The following KRT37 variants were observed in gnomAD, a reference collection of about 807,000 sequenced individuals.
KRT37 encodes keratin 37.
Under a neutral mutation model 41.9 loss-of-function variants are expected in KRT37, and 38 were observed. The observed-to-expected ratio is 0.91, with a 90% CI of 0.70 to 1.19. The LOEUF (loss-of-function observed/expected upper bound fraction) is 1.19, where lower values mean the gene tolerates loss of function less well. Ranked by LOEUF, KRT37 falls within the 50% of genes most tolerant of loss-of-function variation. The pLI is 0.00. For synonymous variants in KRT37, 252 were observed against 243.4 expected, an observed-to-expected ratio of 1.04 and a Z score of -0.33; for missense variants, 580 against 575.5, an observed-to-expected ratio of 1.01 and a Z score of -0.08.
rs1229877545 is a variant in KRT37 at position 41,422,885 on chromosome 17, C to T, written c.625G>A (p.Gly209Arg). The change falls in exon 3 of 7, where the codon GGG becomes AGG. Residue 209 changes from glycine to arginine, a missense_variant. By Grantham distance (125) the Gly-to-Arg change is moderately radical. Transcript: ENST00000225550. ...LHQLVEADKC[G>R]TQKLLDDATL... Reference sequence around the variant, plus strand: ...GCGTCATCCAGGAGCTTCTGCGTCCCGCACTTGTCCGCCTCCACCAGCTGG... The same window carrying T: ...GCGTCATCCAGGAGCTTCTGCGTCCTGCACTTGTCCGCCTCCACCAGCTGG... 1.4e-5 allele frequency: 22 copies of T among 1,614,056 alleles called. No homozygotes were observed. The East Asian group carries it at 3.3e-4, about 25-fold the overall frequency.
chr17:41,422,032 G>A (rs377717793), intron 5 of KRT37, 37 bp downstream of exon 5: 2 of 1,613,910 alleles, frequency 1.2e-6, no homozygotes, highest in South Asian at 2.2e-5. Context: ...ACATGGCATG[G>A]GGCATTTGCA....
intron 3 of KRT37, 21 bp from the exon 4 acceptor site, chr17:41,422,455 G>C (rs1317466851): frequency 6.2e-7 from 1 of 1,613,030 alleles, no homozygotes; most frequent in Non-Finnish European, 8.5e-7. Flanking sequence ...GGAAGCGATA[G>C]ACAGCCTGCG....
At position 41,424,173 on chromosome 17, in the gene KRT37, G is replaced by T; in HGVS notation, c.351C>A (p.Asn117Lys). ...TMKFLNDRLA[N>K]YLEKVRQLEQ... ...CCAGCTGGCGCACCTTCTCCAGGTAGTTGGCCAGGCGGTCATTCAGGAACT... is the reference window on the plus strand; with the variant it reads ...CCAGCTGGCGCACCTTCTCCAGGTATTTGGCCAGGCGGTCATTCAGGAACT... The change falls in exon 1 of 7, where the codon AAC becomes AAA. Residue 117 changes from asparagine (N) to lysine (K), a missense_variant. By Grantham distance (94) the Asn-to-Lys change is moderately conservative (BLOSUM62 0). Coordinates refer to ENST00000225550, the MANE Select transcript of KRT37 (RefSeq NM_003770.5). The T allele has an allele frequency of 1.2e-6, 2 of 1,614,268 alleles. No homozygotes were observed. Among genetic ancestry groups the T allele is most frequent in the Non-Finnish European group, 1.7e-6 (2 of 1,180,054 alleles).
rs73983422 is a variant in KRT37 at position 41,424,532 on chromosome 17, G to T, written c.-9C>A. 1.3e-6 allele frequency: 2 copies of T among 1,555,806 alleles called. No individual in the cohort carries two copies. The highest frequency in any genetic ancestry group is 1.7e-6 in the Non-Finnish European group (2 of 1,147,888). ...CTGTAGAAGGAGGTCATGGTGTAGG[G>T]CTGAGGCTGCACAGGAGCTTCAGAT... On this transcript the variant is annotated 5_prime_UTR_variant, in exon 1 of 7. Coordinates refer to ENST00000225550, the MANE Select transcript of KRT37 (RefSeq NM_003770.5).
rs1478374295 is a variant in KRT37, at chr17:41,424,098, G to T, written c.426C>A (p.Cys142Ter). 1.2e-6 allele frequency: 2 copies of T among 1,614,104 alleles called. No homozygotes were observed. Among genetic ancestry groups the T allele is most frequent in the African/African-American group, 2.7e-5 (2 of 74,932 alleles). Residue 142 changes from cysteine to a stop codon, truncating the protein, a stop_gained, in exon 1 of 7, where the codon TGC becomes TGA. Transcript: ENST00000225550. LOFTEE classifies it high-confidence loss of function. ...LETTLLERSK[C>*]HESTVCPDYQ... ...AGTCGGGGCACACGGTGGACTCGTG[G>T]CACTTGCTCCTCTCGAGGAGTGTGG...
At position 41,421,580 on chromosome 17, in the gene KRT37, C is replaced by T. The variant is rs1200818654; in HGVS notation, c.1028G>A (p.Cys343Tyr). 1.9e-6 allele frequency: 3 copies of T among 1,614,106 alleles called. No individual in the cohort carries two copies. In the East Asian group the frequency reaches 6.7e-5, roughly 36 times the overall value. The change falls in exon 6 of 7, where the codon TGT becomes TAT. Residue 343 changes from cysteine to tyrosine, a missense_variant. By Grantham distance (194) the Cys-to-Tyr change is radical. Transcript: ENST00000225550. ...ERQAQHTLKD[C>Y]LQNSLCEAED... ...CGCTTCACACAGGGAGTTCTGCAGACAGTCCTTCTGTAATGGGAAATAATG... is the reference window on the plus strand; with the variant it reads ...CGCTTCACACAGGGAGTTCTGCAGATAGTCCTTCTGTAATGGGAAATAATG...
rs147477673 is a variant in KRT37, at chr17:41,422,159, G to A, written c.930C>T (p.Ser310=). ...EGISLQAMSC[S]EELQCCQSEI... is the part of the protein sequence containing the mutation. ...CCGACTGGCAGCACTGCAGCTCCTC[G>A]GAGCAGGACATGGCCTGCAGGCTGA... Residue 310 remains serine, a synonymous_variant, in exon 5 of 7, where the codon TCC becomes TCT. Coordinates refer to ENST00000225550, the MANE Select transcript of KRT37 (RefSeq NM_003770.5). 5.6e-6 allele frequency: 9 copies of A among 1,614,086 alleles called. No homozygotes were observed. The highest frequency in any genetic ancestry group is 3.3e-4 in the Middle Eastern group (2 of 6,062).
At chr17:41,421,945 G>A (rs769209117) in intron 5 of KRT37, 124 bp downstream of exon 5, 90 of 1,509,698 alleles carry the variant, frequency 6.0e-5, no homozygotes, top group Non-Finnish European at 7.5e-5. Context: ...CGTCTCCATC[G>A]GGTATAGAGG....
At chr17:41,421,316 A>C (rs1165439289) in intron 6 of KRT37, 51 bp downstream of exon 6, 1 of 1,581,184 alleles carries the variant, frequency 6.3e-7, no homozygotes, top group Non-Finnish European at 8.7e-7. Context: ...CCTCTGAGGA[A>C]TTGCCTGACA....
chr17:41,422,564 T>A, intron 3 of KRT37, 130 bp from the exon 4 acceptor site: 1 of 1,386,342 alleles, frequency 7.2e-7, no homozygotes, highest in Non-Finnish European at 9.9e-7. Flanking sequence ...GAAAGTCTTG[T>A]CCAGAGTGCA....
At position 41,424,070 on chromosome 17, in the gene KRT37, G is replaced by C; in HGVS notation, c.454C>G (p.Gln152Glu). ...CHESTVCPDYQSYFRTIEELQ... is the reference protein window; with the variant it reads ...CHESTVCPDYESYFRTIEELQ... ...TCCTCGATTGTACGGAAGTAGGACT[G>C]GTAGTCGGGGCACACGGTGGACTCG... The change falls in exon 1 of 7, where the codon CAG becomes GAG. Residue 152 changes from glutamine to glutamate, a missense_variant. Physicochemically the swap from Gln to Glu is conservative, Grantham distance 29. Transcript: ENST00000225550. The C allele has an allele frequency of 6.2e-7, 1 of 1,614,210 alleles. No individual in the cohort carries two copies. Among genetic ancestry groups the C allele is most frequent in the Non-Finnish European group, 8.5e-7 (1 of 1,180,038 alleles).
At chr17:41,422,648 C>T (rs549169720) in intron 3 of KRT37, 130 bp downstream of exon 3, 14 of 1,272,888 alleles carry the variant, frequency 1.1e-5, no homozygotes, top group African/African-American at 5.9e-5. Flanking sequence ...CCCTCTGGAC[C>T]CTCAGACCCA....
chr17:41,423,605 A>T (rs1403335380), intron 2 of KRT37, 157 bp downstream of exon 2: 1 of 640,330 alleles, frequency 1.6e-6, no homozygotes, highest in East Asian at 2.7e-5. Flanking sequence ...CTATATAATG[A>T]CCATTTCTAG....
Position 41,422,846 on chromosome 17 carries a change from C to A in KRT37, c.664G>T (p.Ala222Ser). 1 of 1,614,088 alleles carries A rather than the reference C, an allele frequency of 6.2e-7. No individual in the cohort carries two copies. Among genetic ancestry groups the A allele is most frequent in the Non-Finnish European group, 8.5e-7 (1 of 1,180,006 alleles). ...GACTCCTGCTGGGCCTCCAGGTCGG[C>A]CTTGGCCAGGGTCGCGTCATCCAGG... is the stretch of plus-strand genomic sequence containing the variant. ...KLLDDATLAK[A>S]DLEAQQESLK... The change falls in exon 3 of 7, where the codon GCC becomes TCC. Residue 222 changes from alanine (A) to serine (S), a missense_variant. By Grantham distance (99) the Ala-to-Ser change is moderately conservative (BLOSUM62 1). Coordinates refer to ENST00000225550, the MANE Select transcript of KRT37 (RefSeq NM_003770.5).
In KRT37 at chr17:41,424,214, C is replaced by T. The variant is rs535890482; in HGVS notation, c.310G>A (p.Glu104Lys). Reference protein sequence around the residue: ...AYGKNTLNGHEKETMKFLNDR... With the variant: ...AYGKNTLNGHKKETMKFLNDR... ...TTCAGGAACTTCATGGTCTCCTTCT[C>T]ATGGCCATTCAGGGTGTTTTTGCCG... is the stretch of plus-strand genomic sequence containing the variant. The change falls in exon 1 of 7, where the codon GAG becomes AAG. Residue 104 changes from glutamate (E) to lysine (K), a missense_variant. Coordinates refer to ENST00000225550, the MANE Select transcript of KRT37 (RefSeq NM_003770.5). 2.5e-6 allele frequency: 4 copies of T among 1,614,248 alleles called. No homozygotes were observed. The South Asian group carries it at 4.4e-5, about 18-fold the overall frequency.
At chr17:41,423,419 A>G (rs1037504884) in intron 2 of KRT37, 3 of 273,470 alleles carry the variant, frequency 1.1e-5, no homozygotes, top group Non-Finnish European at 2.0e-5. Context: ...GCCAAGAGTC[A>G]GAGAGTCTAG....
chr17:41,424,339 A>G lies in KRT37; in HGVS notation c.185T>C (p.Leu62Pro). 6.2e-7 allele frequency: 1 copy of G among 1,614,084 alleles called. No homozygotes were observed. The highest frequency in any genetic ancestry group is 8.5e-7 in the Non-Finnish European group (1 of 1,180,002). ...GGGCAGACAGAGGCTGGGGCGGCCC[A>G]GGGGAGTCGACCCCACACGGACTCT... ...ANRVRVGSTP[L>P]GRPSLCLPPT... The change falls in exon 1 of 7, where the codon CTG (leucine) becomes CCG (proline). Residue 62 changes from leucine to proline, a missense_variant. Transcript: ENST00000225550.
chr17:41,424,026 C>T lies in KRT37; in HGVS notation c.492+6G>A. ...CCCAGCATGCCCAGGCGATCCCACA[C>T]CTCACCTTCTGCTGGAGCTCCTCGA... On this transcript the variant is annotated splice_donor_region_variant and intron_variant, in intron 1 of 6. Coordinates refer to ENST00000225550, the MANE Select transcript of KRT37 (RefSeq NM_003770.5). 1 of 1,611,448 alleles carries T rather than the reference C, an allele frequency of 6.2e-7. No homozygotes were observed. Among genetic ancestry groups the T allele is most frequent in the South Asian group, 1.1e-5 (1 of 90,992 alleles).
chr17:41,422,062 C>G lies in KRT37; in HGVS notation c.1020+7G>C. 1 of 1,614,204 alleles carries G rather than the reference C, an allele frequency of 6.2e-7. No individual in the cohort carries two copies. Among genetic ancestry groups the G allele is most frequent in the Non-Finnish European group, 8.5e-7 (1 of 1,180,028 alleles). Reference sequence around the variant, plus strand: ...TTTGCAGTGCAGTGAGGGTGAAGGACACGTACCAAGGTGTGCTGGGCTTGG... The same window carrying G: ...TTTGCAGTGCAGTGAGGGTGAAGGAGACGTACCAAGGTGTGCTGGGCTTGG... On this transcript the variant is annotated splice_region_variant and intron_variant, in intron 5 of 6. Transcript: ENST00000225550.
Sources: allele counts gnomAD v4.1 joint callset, GRCh38; gene constraint gnomAD v4.1.1; transcripts MANE v1.5; gene names NCBI Gene and HGNC (gene_info 2026-07-23, HGNC 2026-07-21).